The following SEMA3D variants were observed in gnomAD, a reference collection of about 807,000 sequenced individuals.
SEMA3D encodes the protein semaphorin 3D, also known as semaphorin-3D.
A neutral mutation model predicts 100.1 loss-of-function variants in SEMA3D; 84 were observed. The observed-to-expected ratio is 0.84, with a 90% confidence interval of 0.70 to 1.01. The LOEUF is 1.01. SEMA3D is among the 50% of genes least tolerant of loss of function. SEMA3D has a pLI of 0.00. For synonymous variants in SEMA3D, 312 were observed against 320.7 expected (o/e 0.97, Z 0.29); for missense variants, 875 against 934.1 (o/e 0.94, Z 0.82).
intron 1 of SEMA3D, among the ~76,000 whole-genome samples, chr7:85,171,489 ATCT>A (rs1167879929): frequency 6.6e-6 from 1 of 151,980 alleles, no homozygotes. Flanking sequence ...GGATTGTTCC[ATCT>A]TCCCTACCTG....
intron 12 of SEMA3D, among the ~76,000 whole-genome samples, chr7:85,023,780 T>C (rs1451267786): frequency 6.6e-6 from 1 of 151,958 alleles, no homozygotes; most frequent in Non-Finnish European, 1.5e-5. Context: ...CCCCAAATTT[T>C]ATACCAATAA....
intron 4 of SEMA3D, among the ~76,000 whole-genome samples, chr7:85,087,595 G>T (rs758211897): frequency 3.4e-4 from 51 of 152,118 alleles, no homozygotes; most frequent in Non-Finnish European, 5.9e-4. Flanking sequence ...TACAGATCTA[G>T]TTGATAACAG....
chr7:85,132,931 G>A (rs1449872601), intron 2 of SEMA3D, among the ~76,000 whole-genome samples: 2 of 151,888 alleles, frequency 1.3e-5, no homozygotes, highest in African/African-American at 2.4e-5. Context: ...TAAGGGAGTA[G>A]TTCCTGGACT....
chr7:85,180,049 G>C (rs1791358026), intron 1 of SEMA3D, among the ~76,000 whole-genome samples: 1 of 152,184 alleles, frequency 6.6e-6, no homozygotes, highest in South Asian at 2.1e-4. Context: ...ATTTGATAAA[G>C]ATGACATTTG....
At chr7:85,197,688 C>T in the SEMA3D span, among the ~76,000 whole-genome samples, 7 of 152,106 alleles carry the variant, frequency 4.6e-5, no homozygotes, top group African/African-American at 1.7e-4. Flanking sequence ...ATTTTACAGA[C>T]TTGGACTCTT....
chr7:85,104,329 C>G (rs1788840890), intron 3 of SEMA3D, among the ~76,000 whole-genome samples: 1 of 152,102 alleles, frequency 6.6e-6, no homozygotes, highest in South Asian at 2.1e-4. Context: ...CATAGTAGAC[C>G]ATTAAGTATC....
At chr7:85,115,822 C>G (rs982587208) in intron 3 of SEMA3D, among the ~76,000 whole-genome samples, 7 of 151,976 alleles carry the variant, frequency 4.6e-5, no homozygotes, top group Non-Finnish European at 8.8e-5. Context: ...ATTTTTAAAC[C>G]GTTGATTAGT....
chr7:85,130,046 A>G (rs531096797), intron 2 of SEMA3D, among the ~76,000 whole-genome samples: 1 of 152,258 alleles, frequency 6.6e-6, no homozygotes, highest in Non-Finnish European at 1.5e-5. Flanking sequence ...TTAATGAAAC[A>G]CCTTAGGGAA....
chr7:85,067,640 T>A (rs775991698), intron 7 of SEMA3D, among the ~76,000 whole-genome samples: 17 of 152,148 alleles, frequency 1.1e-4, no homozygotes, highest in Non-Finnish European at 1.9e-4. Context: ...TATTGCTTCT[T>A]TGAACAAGAT....
At chr7:85,103,625 T>C (rs1434774967) in intron 3 of SEMA3D, among the ~76,000 whole-genome samples, 2 of 151,988 alleles carry the variant, frequency 1.3e-5, no homozygotes, top group African/African-American at 2.4e-5. Context: ...TAATCCACCA[T>C]AATTCTTCTT....
At chr7:85,242,983 A>C in the SEMA3D span, among the ~76,000 whole-genome samples, 60 of 152,188 alleles carry the variant, frequency 3.9e-4, 1 homozygote, top group Admixed American at 3.0e-3. Flanking sequence ...CGGGGAGAGA[A>C]AATATTATAT....
rs536861919 is a variant in SEMA3D at position 85,002,651 on chromosome 7, TG to T, written c.1909-2787del. 1.3e-4 allele frequency among the ~76,000 whole-genome samples: 20 copies of T among 152,300 alleles called. No homozygotes were observed. In the East Asian group the frequency reaches 3.9e-3, roughly 29 times the overall value. ...ATCTCTGGCCATTGATTTAAACTCT[TG>T]GAATTTTCTCCACTCTAGAAGTGAT... On this transcript the variant is annotated intron_variant, in intron 18 of 18. Transcript: ENST00000284136.
At chr7:85,089,209 T>C (rs544211391) in intron 4 of SEMA3D, among the ~76,000 whole-genome samples, 4 of 152,084 alleles carry the variant, frequency 2.6e-5, no homozygotes, top group Non-Finnish European at 4.4e-5. Context: ...AGTAAACATT[T>C]CTTGAGCTTT....
intron 10 of SEMA3D, chr7:85,041,874 A>G (rs760414232): frequency 6.7e-6 from 2 of 298,590 alleles, no homozygotes; most frequent in Non-Finnish European, 6.1e-6. Flanking sequence ...GAAAGACTGC[A>G]TGGAGAATGG....
rs752922884 is a variant in SEMA3D at position 85,147,092 on chromosome 7, C to CTTTTTTTTT, written c.-41+6507_-41+6515dup. Among the ~76,000 whole-genome samples, 457 of 48,150 alleles carry CTTTTTTTTT rather than the reference C, an allele frequency of 9.5e-3. 72 individuals are homozygous for CTTTTTTTTT. The highest frequency in any genetic ancestry group is 0.032 in the African/African-American group (330 of 10,286). The allele number at this position is 48,150 out of a possible 152,430, so 31.6% of individuals were successfully genotyped here. ...TCTTTCTTTCTTTTCTTTTTCTTTT[C>CTTTTTTTTT]TTTTTTTTTTTTTTTTTTTTTTTTT... On this transcript the variant is annotated intron_variant, in intron 2 of 18. Transcript: ENST00000284136.
At chr7:85,086,540 T>C (rs912062602) in intron 4 of SEMA3D, among the ~76,000 whole-genome samples, 1 of 152,072 alleles carries the variant, frequency 6.6e-6, no homozygotes, top group Admixed American at 6.6e-5. Context: ...AATCTTTATA[T>C]AATGCGATAT....
chr7:85,156,501 A>G (rs1005991836), intron 1 of SEMA3D, among the ~76,000 whole-genome samples: 1 of 152,214 alleles, frequency 6.6e-6, no homozygotes, highest in Non-Finnish European at 1.5e-5. Context: ...CGAATTTTCC[A>G]GAGTATAAAG....
intron 1 of SEMA3D, among the ~76,000 whole-genome samples, chr7:85,178,277 G>A (rs1349006315): frequency 6.6e-6 from 1 of 152,196 alleles, no homozygotes; most frequent in Non-Finnish European, 1.5e-5. Context: ...TGAAAATGTG[G>A]AAGCGACTTT....
At chr7:85,080,247 A>G (rs1324796593) in intron 5 of SEMA3D, among the ~76,000 whole-genome samples, 2 of 152,206 alleles carry the variant, frequency 1.3e-5, no homozygotes, top group Non-Finnish European at 2.9e-5. Context: ...TGAAAGCTCC[A>G]TAAGGACAGA....
Sources: gnomAD v4.1 joint callset for allele counts (sites outside exome capture counted in the v4.1 genomes callset) on GRCh38, gnomAD v4.1.1 for gene constraint, MANE v1.5 for transcripts, NCBI Gene and HGNC (gene_info 2026-07-23, HGNC 2026-07-21) for gene names.